KCNIP4: variants seen among roughly 807,000 people sequenced by gnomAD.
KCNIP4 encodes the protein Kv channel-interacting protein 4.
KCNIP4 carries 12 observed loss-of-function variants against 34.0 expected under a neutral mutation model. That is an observed-to-expected ratio of 0.35 (90% CI 0.23 to 0.57). KCNIP4 has a LOEUF of 0.57. Ranked by LOEUF, KCNIP4 falls within the 20% of genes least tolerant of loss-of-function variation. The pLI is 0.83. For missense variants in KCNIP4, 238 were observed against 311.7 expected, an observed-to-expected ratio of 0.76 and a Z score of 1.78; for synonymous variants, 124 against 102.2, an observed-to-expected ratio of 1.21 and a Z score of -1.29.
At chr4:21,655,787 C>G (rs918107504) in intron 1 of KCNIP4, among the ~76,000 whole-genome samples, 2 of 152,122 alleles carry the variant, frequency 1.3e-5, no homozygotes, top group African/African-American at 4.8e-5. Context: ...AAGTGTTTGT[C>G]ATTAAGTGCA....
At chr4:21,227,695 A>G (rs1345502785) in intron 1 of KCNIP4, among the ~76,000 whole-genome samples, 1 of 139,770 alleles carries the variant, frequency 7.2e-6, no homozygotes, top group East Asian at 2.1e-4. Flanking sequence ...CAAAACAAAA[A>G]GCAAAAAACC....
chr4:21,561,684 G>T (rs1739496628), intron 1 of KCNIP4, among the ~76,000 whole-genome samples: 1 of 151,758 alleles, frequency 6.6e-6, no homozygotes, highest in Non-Finnish European at 1.5e-5. Context: ...AGCTGTTAAG[G>T]CAATTAAATT....
In KCNIP4 at chr4:21,159,551, G is replaced by C. The variant is rs376814720; in HGVS notation, c.62-276842C>G. Among the ~76,000 whole-genome samples the C allele has an allele frequency of 7.4e-5, 3 of 40,480 alleles. 1 individual carries two copies. Among genetic ancestry groups the C allele is most frequent in the East Asian group, 4.9e-4 (1 of 2,048 alleles). 26.6% of individuals were successfully genotyped at this position (40,480 alleles called of 152,430 possible). On this transcript the variant is annotated intron_variant, in intron 1 of 8. Transcript: ENST00000382152. ...GCGCAGGCCAGTGTGTGTGCGCACCGTGCGCGAGCCGAAGCAGGGCGAGGC... is the reference window on the plus strand; with the variant it reads ...GCGCAGGCCAGTGTGTGTGCGCACCCTGCGCGAGCCGAAGCAGGGCGAGGC...
At chr4:21,634,237 A>AC (rs1249495874) in intron 1 of KCNIP4, among the ~76,000 whole-genome samples, 2 of 151,314 alleles carry the variant, frequency 1.3e-5, no homozygotes, top group Admixed American at 6.6e-5. Flanking sequence ...AAAAAAAAAA[A>AC]AAAAAAAAAA....
rs145208210 is a variant in KCNIP4 at position 21,348,623 on chromosome 4, T to C, written c.62-465914A>G. ...CCATCTTAATATAGAACTGTTTAAA[T>C]AGCAAAAATTTTATGGAGAAGCCCA... On this transcript the variant is annotated intron_variant, in intron 1 of 8. Coordinates refer to ENST00000382152, the MANE Select transcript of KCNIP4 (RefSeq NM_025221.6). 2.5e-3 allele frequency among the ~76,000 whole-genome samples: 385 copies of C among 152,298 alleles called. 1 individual carries two copies. Among genetic ancestry groups the C allele is most frequent in the African/African-American group, 8.9e-3 (371 of 41,578 alleles).
chr4:21,515,492 A>G (rs7685162), intron 1 of KCNIP4, among the ~76,000 whole-genome samples: 48,941 of 151,778 alleles, frequency 0.32, 8,236 homozygotes, highest in South Asian at 0.46. Flanking sequence ...CAAAAAAATT[A>G]GCTATGCGTC....
intron 1 of KCNIP4, among the ~76,000 whole-genome samples, chr4:21,373,247 T>C (rs1394981111): frequency 1.4e-5 from 2 of 146,744 alleles, no homozygotes; most frequent in Non-Finnish European, 2.9e-5. Flanking sequence ...CACTTGAGCC[T>C]GGGAGTTGAG....
At chr4:21,879,919 T>C (rs556884556) in intron 1 of KCNIP4, among the ~76,000 whole-genome samples, 174 of 152,142 alleles carry the variant, frequency 1.1e-3, no homozygotes, top group African/African-American at 4.0e-3. Context: ...GGGCTTTTTT[T>C]CCCCACTTTC....
intron 1 of KCNIP4, among the ~76,000 whole-genome samples, chr4:21,272,405 C>T (rs548179003): frequency 3.6e-4 from 55 of 152,146 alleles, no homozygotes; most frequent in African/African-American, 1.2e-3. Flanking sequence ...TATATTTTCC[C>T]AAGCATTTTA....
At chr4:21,792,019 A>AAAAAAAAAAC (rs1720323144) in intron 1 of KCNIP4, among the ~76,000 whole-genome samples, 1 of 150,202 alleles carries the variant, frequency 6.7e-6, no homozygotes, top group African/African-American at 2.5e-5. Flanking sequence ...AAAAAAAAAA[A>AAAAAAAAAAC]AAAAAAAAAA....
intron 1 of KCNIP4, among the ~76,000 whole-genome samples, chr4:21,546,295 C>T (rs893167756): frequency 3.9e-5 from 6 of 152,042 alleles, no homozygotes; most frequent in African/African-American, 1.4e-4. Flanking sequence ...TCTTAGAATT[C>T]TCACAGACTT....
chr4:20,956,750 C>A (rs1024916297), intron 1 of KCNIP4, among the ~76,000 whole-genome samples: 1 of 152,018 alleles, frequency 6.6e-6, no homozygotes, highest in Non-Finnish European at 1.5e-5. Context: ...ACAGCCAAGG[C>A]AAGAAGTAAA....
chr4:21,697,592 A>C, intron 1 of KCNIP4: 1 of 1,371,636 alleles, frequency 7.3e-7, no homozygotes, highest in Non-Finnish European at 9.3e-7. Context: ...TTAGCGCCTC[A>C]ATCAGAAATT....
chr4:21,496,998 G>A (rs1423582589), intron 1 of KCNIP4, among the ~76,000 whole-genome samples: 4 of 152,186 alleles, frequency 2.6e-5, no homozygotes, highest in African/African-American at 7.2e-5. Flanking sequence ...TCTCTAAGGG[G>A]CATGTGGAGG....
intron 1 of KCNIP4, chr4:21,315,223 C>T (rs1713604758): frequency 6.5e-6 from 1 of 153,566 alleles, no homozygotes; most frequent in Admixed American, 6.5e-5. Context: ...AGACTTCTAT[C>T]TCTGCCACCT....
At chr4:21,308,711 A>AGTGTGTGTGTGT (rs10525935) in intron 1 of KCNIP4, among the ~76,000 whole-genome samples, 5 of 149,874 alleles carry the variant, frequency 3.3e-5, no homozygotes, top group African/African-American at 1.2e-4. Context: ...CTGCCGTGTG[A>AGTGTGTGTGTGT]GTGTGTGTGT....
intron 1 of KCNIP4, among the ~76,000 whole-genome samples, chr4:21,128,334 A>T (rs1342806152): frequency 6.6e-6 from 1 of 152,226 alleles, no homozygotes; most frequent in Non-Finnish European, 1.5e-5. Flanking sequence ...TCAAAGCAAA[A>T]ATCAAATGAG....
intron 1 of KCNIP4, among the ~76,000 whole-genome samples, chr4:21,427,762 G>T (rs1276865635): frequency 2.0e-5 from 3 of 152,122 alleles, no homozygotes; most frequent in Admixed American, 2.0e-4. Flanking sequence ...TCCGCGTAGG[G>T]CAGAAGCAGG....
intron 1 of KCNIP4, among the ~76,000 whole-genome samples, chr4:21,282,128 G>A (rs1762815154): frequency 6.6e-6 from 1 of 152,174 alleles, no homozygotes; most frequent in Non-Finnish European, 1.5e-5. Flanking sequence ...TCTCAGTTTA[G>A]GTAAAGCTTA....
Sources: gnomAD v4.1 joint callset for allele counts (sites outside exome capture counted in the v4.1 genomes callset) on GRCh38, gnomAD v4.1.1 for gene constraint, MANE v1.5 for transcripts, NCBI Gene and HGNC (gene_info 2026-07-23, HGNC 2026-07-21) for gene names.